Variants in SLC9A9 observed in about 807,000 individuals in gnomAD.
The protein encoded by SLC9A9 is sodium/hydrogen exchanger 9.
SLC9A9 carries 62 observed loss-of-function variants against 77.8 expected under a neutral mutation model. The observed-to-expected ratio is 0.80, with a 90% CI of 0.65 to 0.98. The LOEUF is 0.98. Ranked by LOEUF, SLC9A9 falls within the 50% of genes least tolerant of loss-of-function variation. SLC9A9 has a pLI of 0.00. For missense variants in SLC9A9, 775 were observed against 774.9 expected, an observed-to-expected ratio of 1.00 and a Z score of 0.00; for synonymous variants, 320 against 283.5, an observed-to-expected ratio of 1.13 and a Z score of -1.29.
At chr3:143,785,155 A>G (rs2008008751) in intron 4 of SLC9A9, among the ~76,000 whole-genome samples, 1 of 152,198 alleles carries the variant, frequency 6.6e-6, no homozygotes, top group Admixed American at 6.5e-5. Context: ...GCAATGTGAC[A>G]TTATTATACT....
chr3:143,585,645 C>T (rs1273249873), intron 6 of SLC9A9, among the ~76,000 whole-genome samples: 1 of 152,224 alleles, frequency 6.6e-6, no homozygotes, highest in Admixed American at 6.5e-5. Context: ...AGACCTGTCA[C>T]AGATATTTTG....
chr3:143,759,692 A>G (rs2007050741), intron 4 of SLC9A9, among the ~76,000 whole-genome samples: 1 of 151,866 alleles, frequency 6.6e-6, no homozygotes, highest in Non-Finnish European at 1.5e-5. Context: ...TCCATCACTT[A>G]CAATGAGAGT....
intron 2 of SLC9A9, among the ~76,000 whole-genome samples, chr3:143,806,117 C>T (rs2008706910): frequency 1.3e-5 from 2 of 149,558 alleles, no homozygotes; most frequent in Non-Finnish European, 1.5e-5. Context: ...CCCACACACA[C>T]AGGCATTCAT....
rs566452708 is a variant in SLC9A9 at position 143,664,452 on chromosome 3, C to A, written c.650-12092G>T. Among the ~76,000 whole-genome samples, 36 of 152,294 alleles carry A rather than the reference C, an allele frequency of 2.4e-4. No homozygotes were observed. In the South Asian group the frequency reaches 5.6e-3, roughly 24 times the overall value. ...GGCAAAATAACCAGCTAACATCATACTGACAGGACCAAATTCACACATAAC... is the reference window on the plus strand; with the variant it reads ...GGCAAAATAACCAGCTAACATCATAATGACAGGACCAAATTCACACATAAC... On this transcript the variant is annotated intron_variant, in intron 5 of 15. Coordinates refer to ENST00000316549, the MANE Select transcript of SLC9A9 (RefSeq NM_173653.4).
chr3:143,385,618 G>T (rs114779284), intron 12 of SLC9A9, among the ~76,000 whole-genome samples: 4,924 of 152,272 alleles, frequency 0.032, 285 homozygotes, highest in African/African-American at 0.11. Flanking sequence ...TCTTTTTAAT[G>T]CATGAGCATC....
At chr3:143,386,123 C>T (rs1273358645) in intron 12 of SLC9A9, among the ~76,000 whole-genome samples, 2 of 152,146 alleles carry the variant, frequency 1.3e-5, no homozygotes, top group African/African-American at 2.4e-5. Flanking sequence ...CTCAGATCTC[C>T]CATCACTAGA....
At chr3:143,775,432 A>G (rs1351025733) in intron 4 of SLC9A9, among the ~76,000 whole-genome samples, 2 of 152,328 alleles carry the variant, frequency 1.3e-5, no homozygotes, top group East Asian at 3.9e-4. Flanking sequence ...TGTCTGGAGA[A>G]ATTGTCATGT....
intron 2 of SLC9A9, among the ~76,000 whole-genome samples, chr3:143,812,636 G>T (rs947214882): frequency 6.6e-6 from 1 of 152,076 alleles, no homozygotes; most frequent in African/African-American, 2.4e-5. Flanking sequence ...AATATGGACG[G>T]AAATAATATT....
At chr3:143,645,831 G>A (rs930340444) in intron 6 of SLC9A9, among the ~76,000 whole-genome samples, 1 of 151,296 alleles carries the variant, frequency 6.6e-6, no homozygotes, top group Non-Finnish European at 1.5e-5. Flanking sequence ...TACTTAACAG[G>A]GAATAAAGAC....
intron 9 of SLC9A9, among the ~76,000 whole-genome samples, chr3:143,545,513 C>A (rs200694041): frequency 6.6e-6 from 1 of 152,222 alleles, no homozygotes; most frequent in African/African-American, 2.4e-5. Flanking sequence ...GCCAACCATG[C>A]AACTACTGTA....
intron 4 of SLC9A9, among the ~76,000 whole-genome samples, chr3:143,773,188 G>C (rs760587351): frequency 3.3e-5 from 5 of 152,008 alleles, no homozygotes; most frequent in Non-Finnish European, 7.4e-5. Context: ...TGGCTTTTTG[G>C]GGGGAAAAGC....
intron 8 of SLC9A9, among the ~76,000 whole-genome samples, chr3:143,560,159 A>C (rs953927073): frequency 1.3e-5 from 2 of 152,330 alleles, no homozygotes; most frequent in Non-Finnish European, 2.9e-5. Flanking sequence ...TGGGGATTTA[A>C]ATGCAGATTC....
chr3:143,577,738 A>G (rs140753475), intron 7 of SLC9A9, among the ~76,000 whole-genome samples: 270 of 152,212 alleles, frequency 1.8e-3, no homozygotes, highest in African/African-American at 6.0e-3. Flanking sequence ...AAGGCCCCCA[A>G]TATTTTGCCT....
chr3:143,347,132 A>G (rs1436341972), intron 14 of SLC9A9: 1 of 152,158 alleles, frequency 6.6e-6, no homozygotes, highest in African/African-American at 2.4e-5. Context: ...TACAACTCCA[A>G]AATATACCAA....
chr3:143,277,857 C>T (rs138255821), intron 14 of SLC9A9, among the ~76,000 whole-genome samples: 21 of 152,270 alleles, frequency 1.4e-4, no homozygotes, highest in East Asian at 5.8e-4. Context: ...TGTGCTCCTC[C>T]GTTCCAAGTC....
At chr3:143,725,588 G>C (rs1934628328) in intron 4 of SLC9A9, among the ~76,000 whole-genome samples, 2 of 141,792 alleles carry the variant, frequency 1.4e-5, no homozygotes, top group Non-Finnish European at 1.6e-5. Context: ...CCTTTGTAGG[G>C]ACATGGATGA....
chr3:143,638,593 C>T (rs758311289), intron 6 of SLC9A9, among the ~76,000 whole-genome samples: 4 of 152,230 alleles, frequency 2.6e-5, no homozygotes, highest in Non-Finnish European at 5.9e-5. Flanking sequence ...TTGAGGACCC[C>T]TGGGGCAGGA....
At chr3:143,512,137 CA>C (rs2036126491) in intron 9 of SLC9A9, among the ~76,000 whole-genome samples, 1 of 152,192 alleles carries the variant, frequency 6.6e-6, no homozygotes, top group South Asian at 2.1e-4. Context: ...CATAATGCTC[CA>C]TAAATATCTG....
chr3:143,329,806 C>G (rs1231449399), intron 14 of SLC9A9, among the ~76,000 whole-genome samples: 1 of 152,178 alleles, frequency 6.6e-6, no homozygotes, highest in African/African-American at 2.4e-5. Flanking sequence ...CCACGTGAGC[C>G]TCGTGCCCCG....
Sources: gnomAD v4.1 joint callset for allele counts (sites outside exome capture counted in the v4.1 genomes callset) on GRCh38, gnomAD v4.1.1 for gene constraint, MANE v1.5 for transcripts, NCBI Gene and HGNC (gene_info 2026-07-23, HGNC 2026-07-21) for gene names.